Variants in ANKS1B observed in about 807,000 individuals in gnomAD.
ANKS1B encodes ankyrin repeat and sterile alpha motif domain containing 1B.
A neutral mutation model predicts 148.3 loss-of-function variants in ANKS1B; 36 were observed. The ratio of observed to expected loss-of-function variants is 0.24; its 90% CI spans 0.19 to 0.32. ANKS1B has a LOEUF of 0.32. Among genes scored for constraint, ANKS1B ranks in the 10% least tolerant of loss-of-function variants. The pLI is 1.00. For missense variants in ANKS1B, 1,157 were observed against 1,542.6 expected, an observed-to-expected ratio of 0.75 and a Z score of 4.19; for synonymous variants, 542 against 560.8, an observed-to-expected ratio of 0.97 and a Z score of 0.47.
In ANKS1B at chr12:99,326,492, T is replaced by G. The variant is rs538289377; in HGVS notation, c.1756+73139A>C. Among the ~76,000 whole-genome samples, 4 of 133,006 alleles carry G rather than the reference T, an allele frequency of 3.0e-5. No individual in the cohort carries two copies. The South Asian group carries it at 8.4e-4, about 28-fold the overall frequency. The allele number at this position is 133,006 out of a possible 152,430, so 87.3% of individuals were successfully genotyped here. On this transcript the variant is annotated intron_variant, in intron 12 of 26. Transcript: ENST00000683438. ...AGGCATCCGCCTTACCATTCTAATT[T>G]CACTCCTTCTTCTCTCTGTTTTTGA...
intron 9 of ANKS1B, among the ~76,000 whole-genome samples, chr12:99,555,508 T>A (rs573961335): frequency 1.6e-4 from 25 of 152,334 alleles, no homozygotes; most frequent in African/African-American, 5.8e-4. Context: ...GGCATCCTTG[T>A]CTTGTTTCAG....
At chr12:99,708,498 C>T (rs768575757) in intron 8 of ANKS1B, among the ~76,000 whole-genome samples, 2 of 152,096 alleles carry the variant, frequency 1.3e-5, no homozygotes, top group Non-Finnish European at 2.9e-5. Flanking sequence ...AGTCAAGGTG[C>T]CACAAGGGCT....
At chr12:99,492,294 A>C (rs2152970840) in intron 10 of ANKS1B, among the ~76,000 whole-genome samples, 1 of 152,318 alleles carries the variant, frequency 6.6e-6, no homozygotes, top group East Asian at 1.9e-4. Context: ...ATAAACGAGA[A>C]AACCTAGAAG....
intron 1 of ANKS1B, among the ~76,000 whole-genome samples, chr12:99,837,766 T>C (rs1430322649): frequency 3.3e-5 from 5 of 152,176 alleles, no homozygotes; most frequent in Non-Finnish European, 5.9e-5. Flanking sequence ...CCTTTGATTA[T>C]AATAAAGTGG....
Position 99,632,740 on chromosome 12 carries a change from T to G in ANKS1B, c.1272+22327A>C, listed in dbSNP as rs1195608004. On this transcript the variant is annotated intron_variant, in intron 9 of 26. Coordinates refer to ENST00000683438, the MANE Select transcript of ANKS1B (RefSeq NM_001352186.2). Reference sequence around the variant, plus strand: ...TTCCTTTTCTTTCTATATATATATATATATATATATATATATATATATATA... The same window carrying G: ...TTCCTTTTCTTTCTATATATATATAGATATATATATATATATATATATATA... Among the ~76,000 whole-genome samples, 16 of 57,652 alleles carry G rather than the reference T, an allele frequency of 2.8e-4. 2 individuals are homozygous for G. The highest frequency in any genetic ancestry group is 2.5e-3 in the South Asian group (4 of 1,626). The allele number at this position is 57,652 out of a possible 152,430, so 37.8% of individuals were successfully genotyped here.
chr12:99,822,648 C>T (rs551618450), intron 2 of ANKS1B, among the ~76,000 whole-genome samples: 79 of 152,306 alleles, frequency 5.2e-4, no homozygotes, highest in African/African-American at 1.8e-3. Flanking sequence ...CATAGTATTC[C>T]ATGGTGCATA....
chr12:99,622,943 A>G (rs1426267596), intron 9 of ANKS1B, among the ~76,000 whole-genome samples: 1 of 151,980 alleles, frequency 6.6e-6, no homozygotes, highest in Non-Finnish European at 1.5e-5. Flanking sequence ...ACACAACAAT[A>G]ACATAAAAGT....
At chr12:99,289,223 A>G (rs2079566458) in intron 12 of ANKS1B, among the ~76,000 whole-genome samples, 1 of 152,068 alleles carries the variant, frequency 6.6e-6, no homozygotes, top group African/African-American at 2.4e-5. Context: ...GAATATAACA[A>G]TTGTAAATAT....
chr12:98,897,792 A>C (rs2099766839), intron 17 of ANKS1B, among the ~76,000 whole-genome samples: 1 of 152,242 alleles, frequency 6.6e-6, no homozygotes, highest in Admixed American at 6.5e-5. Context: ...CACTATTCAC[A>C]GTAGAAAAGA....
chr12:99,977,649 A>G (rs530102530), intron 1 of ANKS1B, among the ~76,000 whole-genome samples: 14 of 152,334 alleles, frequency 9.2e-5, no homozygotes, highest in African/African-American at 3.1e-4. Flanking sequence ...GACACCAAAG[A>G]AGAAAAGTAG....
chr12:99,582,386 A>G (rs1018749539), intron 9 of ANKS1B, among the ~76,000 whole-genome samples: 2 of 152,170 alleles, frequency 1.3e-5, no homozygotes, highest in African/African-American at 2.4e-5. Context: ...TTGTCCACAC[A>G]AAGACTTGTA....
rs568422927 is a variant in ANKS1B, at chr12:98,761,039, C to G, written c.3580-9517G>C. The stretch of plus-strand genomic sequence containing the variant: ...ATTGTCTACCCCTTACAACACCTTA[C>G]AGAGGAGGAATGACCATCCTCATTT... On this transcript the variant is annotated intron_variant, in intron 25 of 26. Transcript: ENST00000683438. Among the ~76,000 whole-genome samples, 17 of 152,322 alleles carry G rather than the reference C, an allele frequency of 1.1e-4. No homozygotes were observed. In the East Asian group the frequency reaches 2.5e-3, roughly 22 times the overall value.
At chr12:99,420,013 G>C (rs553577534) in intron 11 of ANKS1B, among the ~76,000 whole-genome samples, 1 of 152,198 alleles carries the variant, frequency 6.6e-6, no homozygotes, top group East Asian at 1.9e-4. Context: ...TATAGTAATA[G>C]TGCCCATGAA....
At chr12:99,026,580 A>G (rs1383134335) in intron 17 of ANKS1B, among the ~76,000 whole-genome samples, 1 of 151,608 alleles carries the variant, frequency 6.6e-6, no homozygotes, top group Admixed American at 6.6e-5. Flanking sequence ...TCCCCTGAAG[A>G]GCTATTTATT....
chr12:98,963,736 T>C (rs2099875490), intron 17 of ANKS1B, among the ~76,000 whole-genome samples: 2 of 151,890 alleles, frequency 1.3e-5, no homozygotes, highest in Non-Finnish European at 1.5e-5. Context: ...TGGGAGAAAA[T>C]ATTTGCCAAC....
intron 17 of ANKS1B, among the ~76,000 whole-genome samples, chr12:98,932,988 T>C (rs1189623037): frequency 1.3e-5 from 2 of 152,206 alleles, no homozygotes; most frequent in East Asian, 3.8e-4. Context: ...TTAATAGCAC[T>C]TAACATGCGA....
chr12:99,010,667 A>G (rs2099938791), intron 17 of ANKS1B, among the ~76,000 whole-genome samples: 1 of 152,058 alleles, frequency 6.6e-6, no homozygotes, highest in South Asian at 2.1e-4. Context: ...CCACAATGTT[A>G]CTTACACAGT....
chr12:99,171,443 C>G (rs569750771), intron 14 of ANKS1B, among the ~76,000 whole-genome samples: 79 of 152,226 alleles, frequency 5.2e-4, no homozygotes, highest in Non-Finnish European at 1.0e-3. Context: ...TATAGGTCAA[C>G]AAAGTTCTGG....
intron 17 of ANKS1B, among the ~76,000 whole-genome samples, chr12:98,889,826 T>C (rs1308824044): frequency 6.6e-6 from 1 of 152,222 alleles, no homozygotes; most frequent in African/African-American, 2.4e-5. Context: ...TTGCACGTAG[T>C]TGTAACTGCA....
Sources: gnomAD v4.1 joint callset for allele counts (sites outside exome capture counted in the v4.1 genomes callset) on GRCh38, gnomAD v4.1.1 for gene constraint, MANE v1.5 for transcripts, NCBI Gene and HGNC (gene_info 2026-07-23, HGNC 2026-07-21) for gene names.